LIMCH1: variants seen among roughly 807,000 people sequenced by gnomAD.
LIMCH1 encodes LIM and calponin homology domains-containing protein 1.
Under a neutral mutation model 176.5 loss-of-function variants are expected in LIMCH1, and 113 were observed. The ratio of observed to expected loss-of-function variants is 0.64; its 90% CI spans 0.55 to 0.75. LIMCH1 has a LOEUF of 0.75. Among genes scored for constraint, LIMCH1 ranks in the 30% least tolerant of loss-of-function variants. The probability of loss-of-function intolerance (pLI) is 0.00; values close to 1 mark genes in which losing one functional copy is unlikely to be tolerated. For synonymous variants in LIMCH1, 619 were observed against 645.9 expected (o/e 0.96, Z 0.63); for missense variants, 1,674 against 1,814.9 (o/e 0.92, Z 1.41).
intron 4 of LIMCH1, chr4:41,609,685 A>C (rs2091190755): frequency 2.2e-6 from 1 of 455,886 alleles, no homozygotes; most frequent in Non-Finnish European, 4.4e-6. Flanking sequence ...AATTTCATGA[A>C]GCTAGTAGTT....
chr4:41,670,573 A>G, intron 21 of LIMCH1: 1 of 535,778 alleles, frequency 1.9e-6, no homozygotes, highest in African/African-American at 1.9e-5. Context: ...TGTTATTAAG[A>G]CATTTTGTAC....
chr4:41,639,279 T>C (rs1381715432), intron 14 of LIMCH1, among the ~76,000 whole-genome samples: 1 of 152,224 alleles, frequency 6.6e-6, no homozygotes, highest in East Asian at 1.9e-4. Flanking sequence ...GAACTATAGA[T>C]TTATTTAAAG....
chr4:41,415,199 G>A lies in LIMCH1; in HGVS notation c.96+54263G>A, dbSNP rs2059820007. Among the ~76,000 whole-genome samples the A allele has an allele frequency of 2.0e-5, 3 of 152,076 alleles. No individual in the cohort carries two copies. In the South Asian group the frequency reaches 6.2e-4, roughly 32 times the overall value. On this transcript the variant is annotated intron_variant, in intron 1 of 26. Coordinates refer to the LIMCH1 transcript ENST00000313860. ...TCGAATTTGTAACCTTCCTGAAAAT[G>A]CAGAGGGATTAATTTCTGTTGTTGT...
At chr4:41,620,736 T>G (rs1198650969) in intron 7 of LIMCH1, 46 bp downstream of exon 7, 1 of 1,491,722 alleles carries the variant, frequency 6.7e-7, no homozygotes, top group Non-Finnish European at 8.9e-7. Flanking sequence ...TCTGCATGCC[T>G]GGGGATTTGG....
intron 2 of LIMCH1, among the ~76,000 whole-genome samples, chr4:41,513,086 A>G (rs1583337609): frequency 6.6e-6 from 1 of 152,244 alleles, no homozygotes; most frequent in African/African-American, 2.4e-5. Context: ...AGAATGTTTC[A>G]TAGATTGATA....
intron 18 of LIMCH1, among the ~76,000 whole-genome samples, chr4:41,657,112 T>G (rs749024234): frequency 1.3e-5 from 2 of 152,224 alleles, no homozygotes; most frequent in Non-Finnish European, 2.9e-5. Flanking sequence ...GATCGCATTC[T>G]CAGTTAAGGG....
chr4:41,667,925 A>G (rs995311165), intron 21 of LIMCH1, among the ~76,000 whole-genome samples: 3 of 151,892 alleles, frequency 2.0e-5, no homozygotes, highest in Non-Finnish European at 4.4e-5. Context: ...TGAGGCCAGC[A>G]GTTGAGACCA....
At chr4:41,600,123 G>T (rs989967376) in intron 2 of LIMCH1, among the ~76,000 whole-genome samples, 2 of 152,064 alleles carry the variant, frequency 1.3e-5, no homozygotes, top group Non-Finnish European at 2.9e-5. Context: ...AGTTAGTAGT[G>T]ATCTGTTATC....
chr4:41,671,014 A>G, intron 21 of LIMCH1: 5 of 976,400 alleles, frequency 5.1e-6, no homozygotes, highest in Non-Finnish European at 6.1e-6. Flanking sequence ...CAAGAATTCA[A>G]AGAAATAATA....
chr4:41,477,467 A>G (rs774346088), intron 1 of LIMCH1, among the ~76,000 whole-genome samples: 1 of 152,256 alleles, frequency 6.6e-6, no homozygotes, highest in Non-Finnish European at 1.5e-5. Context: ...GGTGCTGAGG[A>G]GTAAACGAGT....
At position 41,406,550 on chromosome 4, in the gene LIMCH1, T is replaced by C. The variant is rs529656983; in HGVS notation, c.96+45614T>C. Among the ~76,000 whole-genome samples the C allele has an allele frequency of 3.9e-5, 6 of 152,316 alleles. No individual in the cohort carries two copies. In the East Asian group the frequency reaches 1.2e-3, roughly 29 times the overall value. Reference sequence around the variant, plus strand: ...CCAGGGAGGGGATGATAGCTATTATTAATTGATTTTTCTCTTACTATGGAA... The same window carrying C: ...CCAGGGAGGGGATGATAGCTATTATCAATTGATTTTTCTCTTACTATGGAA... On this transcript the variant is annotated intron_variant, in intron 1 of 26. Transcript: ENST00000313860.
At chr4:41,575,589 C>T (rs2084328197) in intron 1 of LIMCH1, among the ~76,000 whole-genome samples, 1 of 152,196 alleles carries the variant, frequency 6.6e-6, no homozygotes. Context: ...AAGCTCATAT[C>T]AGGCGCATCT....
In LIMCH1 at chr4:41,620,590, G is replaced by A. The variant is rs1438742721; in HGVS notation, c.625G>A (p.Ala209Thr). 3.9e-6 allele frequency: 6 copies of A among 1,536,220 alleles called. No individual in the cohort carries two copies. The highest frequency in any genetic ancestry group is 4.9e-5 in the East Asian group (2 of 40,910). Residue 209 changes from alanine (A) to threonine (T), a missense_variant, in exon 7 of 32, where the codon GCT (alanine) becomes ACT (threonine). Physicochemically the swap from Ala to Thr is moderately conservative, Grantham distance 58 (BLOSUM62 0). Coordinates refer to ENST00000503057, the MANE Select transcript of LIMCH1 (RefSeq NM_001330672.2). ...TTCAGACGGGGCTGTGGTGGCACCA[G>A]CTCCCAAGTCTGAAGAAAAAGATGC... Reference protein sequence around the residue: ...PSSDGAVVAPAPKSEEKDAAE... With the variant: ...PSSDGAVVAPTPKSEEKDAAE...
chr4:41,599,823 A>G (rs764762867), intron 2 of LIMCH1, among the ~76,000 whole-genome samples: 9 of 152,196 alleles, frequency 5.9e-5, no homozygotes, highest in Admixed American at 1.3e-4. Flanking sequence ...TCATTTTATC[A>G]TGAAGGAACA....
intron 1 of LIMCH1, among the ~76,000 whole-genome samples, chr4:41,381,424 A>G (rs2055648146): frequency 6.6e-6 from 1 of 152,180 alleles, no homozygotes. Flanking sequence ...GAAGGGAACC[A>G]CTTTTATAAT....
At chr4:41,540,913 A>G (rs1273194021) in intron 1 of LIMCH1, among the ~76,000 whole-genome samples, 1 of 152,194 alleles carries the variant, frequency 6.6e-6, no homozygotes, top group East Asian at 1.9e-4. Flanking sequence ...GGCTCAGCGA[A>G]CACAGCTGCT....
intron 1 of LIMCH1, among the ~76,000 whole-genome samples, chr4:41,450,842 G>A (rs995687881): frequency 6.3e-5 from 9 of 143,974 alleles, no homozygotes; most frequent in Non-Finnish European, 1.1e-4. Flanking sequence ...GGATGTTGCT[G>A]TACAGTTTGG....
intron 18 of LIMCH1, among the ~76,000 whole-genome samples, chr4:41,658,060 A>G (rs552343817): frequency 6.6e-6 from 1 of 152,336 alleles, no homozygotes; most frequent in Admixed American, 6.5e-5. Flanking sequence ...CTCCAAGCCC[A>G]GGTGGTGGGA....
At chr4:41,588,661 C>T (rs2152710706) in intron 1 of LIMCH1, among the ~76,000 whole-genome samples, 1 of 152,304 alleles carries the variant, frequency 6.6e-6, no homozygotes, top group African/African-American at 2.4e-5. Context: ...ATGAGTTTAG[C>T]TCTTCAACCA....
Sources: allele counts gnomAD v4.1 joint callset (sites outside exome capture counted in the v4.1 genomes callset), GRCh38; gene constraint gnomAD v4.1.1; transcripts MANE v1.5; gene names NCBI Gene and HGNC (gene_info 2026-07-23, HGNC 2026-07-21).